The following KCNN2 variants were observed in gnomAD, a reference collection of about 807,000 sequenced individuals.
KCNN2 encodes potassium calcium-activated channel subfamily N member 2.
Under a neutral mutation model 55.5 loss-of-function variants are expected in KCNN2, and 24 were observed. The ratio of observed to expected loss-of-function variants is 0.43; its 90% confidence interval spans 0.31 to 0.61. KCNN2 has a LOEUF of 0.61. Among genes scored for constraint, KCNN2 ranks in the 20% least tolerant of loss-of-function variants. KCNN2 has a pLI of 0.08. For synonymous variants in KCNN2, 431 were observed against 336.1 expected (o/e 1.28, Z -3.09); for missense variants, 754 against 853.6 (o/e 0.88, Z 1.45).
At chr5:114,159,658 T>C (rs917926103) in intron 1 of KCNN2, among the ~76,000 whole-genome samples, 1 of 152,212 alleles carries the variant, frequency 6.6e-6, no homozygotes, top group African/African-American at 2.4e-5. Context: ...TGGTAAGCTT[T>C]TAATTATTGC....
intron 6 of KCNN2, chr5:114,488,882 T>C (rs1369763925): frequency 6.6e-6 from 1 of 152,146 alleles, no homozygotes; most frequent in Non-Finnish European, 1.5e-5. Flanking sequence ...AAAAGAAACC[T>C]TACCTTGGTG....
intron 3 of KCNN2, among the ~76,000 whole-genome samples, chr5:114,415,946 C>T (rs1041587469): frequency 6.6e-6 from 1 of 152,184 alleles, no homozygotes; most frequent in East Asian, 1.9e-4. Flanking sequence ...TACACACACA[C>T]AGCTGACTGT....
intron 1 of KCNN2, among the ~76,000 whole-genome samples, chr5:114,122,808 C>G (rs1214393344): frequency 6.6e-6 from 1 of 152,194 alleles, no homozygotes; most frequent in African/African-American, 2.4e-5. Context: ...GAGAAGGCTG[C>G]TTGGCTGCAG....
chr5:114,272,916 T>C (rs1394413364), intron 2 of KCNN2, among the ~76,000 whole-genome samples: 1 of 152,168 alleles, frequency 6.6e-6, no homozygotes, highest in Non-Finnish European at 1.5e-5. Flanking sequence ...CTGTGTTACA[T>C]GTACAGAATG....
intron 1 of KCNN2, among the ~76,000 whole-genome samples, chr5:114,218,629 G>A (rs1358739467): frequency 6.6e-6 from 1 of 152,198 alleles, no homozygotes; most frequent in Non-Finnish European, 1.5e-5. Flanking sequence ...TTTCAGGGCA[G>A]TGAATTACTC....
At chr5:114,233,222 T>G (rs1286916382) in intron 2 of KCNN2, among the ~76,000 whole-genome samples, 1 of 152,064 alleles carries the variant, frequency 6.6e-6, no homozygotes, top group Non-Finnish European at 1.5e-5. Context: ...GCCCGGCCTA[T>G]TGTTTCTTGT....
At chr5:114,401,608 T>C (rs536032414) in intron 2 of KCNN2, among the ~76,000 whole-genome samples, 3 of 152,310 alleles carry the variant, frequency 2.0e-5, no homozygotes, top group Admixed American at 1.3e-4. Context: ...GAAGCACATA[T>C]GAGGATCATG....
chr5:114,092,855 C>G (rs1751172896), intron 1 of KCNN2, among the ~76,000 whole-genome samples: 5 of 152,190 alleles, frequency 3.3e-5, no homozygotes, highest in Admixed American at 3.3e-4. Flanking sequence ...GCAGCAAGGC[C>G]TTGGGCCTGG....
chr5:114,473,010 G>A lies in KCNN2; in HGVS notation c.1780-44G>A, dbSNP rs1399710860. 3 of 1,147,202 alleles carry A rather than the reference G, an allele frequency of 2.6e-6. No individual in the cohort carries two copies. The Admixed American group carries it at 6.5e-5, about 25-fold the overall frequency. The allele number at this position is 1,147,202 out of a possible 1,614,324, so 71.1% of individuals were successfully genotyped here. A position where few individuals can be genotyped will look rare whatever the true frequency, so the allele number is the denominator to read the frequency against. ...TTTTCTAATGTGTCTGAGACAGAAA[G>A]TAGTTAGTAATGCTTTGGGTTTCTC... On this transcript the variant is annotated intron_variant, in intron 4 of 7. Transcript: ENST00000673685.
At chr5:114,294,040 C>T (rs1354902652) in intron 2 of KCNN2, among the ~76,000 whole-genome samples, 2 of 151,970 alleles carry the variant, frequency 1.3e-5, no homozygotes, top group African/African-American at 4.8e-5. Context: ...GTGGTGATAT[C>T]CCCTTTATCA....
intron 1 of KCNN2, among the ~76,000 whole-genome samples, chr5:114,211,225 A>T (rs1054416993): frequency 1.3e-5 from 2 of 152,172 alleles, no homozygotes; most frequent in African/African-American, 4.8e-5. Flanking sequence ...TACCCAAAGG[A>T]ATATAAATTG....
intron 2 of KCNN2, among the ~76,000 whole-genome samples, chr5:114,330,411 A>G (rs181147048): frequency 1.4e-4 from 22 of 152,212 alleles, no homozygotes; most frequent in African/African-American, 5.3e-4. Flanking sequence ...CTTAATTTAC[A>G]TACTTATTAC....
rs147234287 is a variant in KCNN2 at position 114,189,255 on chromosome 5, G to GGA, written c.-270-32221_-270-32220dup. The stretch of plus-strand genomic sequence containing the variant: ...CTGCAGTCTGCCAGGCAGAGACCCA[G>GGA]GAGAGTCAATGGTACAAACCCAGTC... On this transcript the variant is annotated intron_variant, in intron 1 of 10. Transcript: ENST00000512097. 5.7e-3 allele frequency among the ~76,000 whole-genome samples: 874 copies of GGA among 152,098 alleles called. 9 individuals carry two copies. The highest frequency in any genetic ancestry group is 0.02 in the African/African-American group (823 of 41,490).
At chr5:114,178,861 T>A (rs1027980729) in intron 1 of KCNN2, among the ~76,000 whole-genome samples, 1 of 152,180 alleles carries the variant, frequency 6.6e-6, no homozygotes, top group Non-Finnish European at 1.5e-5. Flanking sequence ...TTTTCTCAGT[T>A]AAGAGCAGAA....
rs373759384 is a variant in KCNN2 at position 114,278,933 on chromosome 5, A to G, written c.-185+57368A>G. Among the ~76,000 whole-genome samples, 137 of 152,268 alleles carry G rather than the reference A, an allele frequency of 9.0e-4. 2 individuals are homozygous for G. The South Asian group carries it at 0.026, about 29-fold the overall frequency. On this transcript the variant is annotated intron_variant, in intron 2 of 10. Coordinates refer to the KCNN2 transcript ENST00000512097. ...AGGTAACTCAGTTGGAAATGCAGAA[A>G]TCACCGATCTTCTGCATCAATCTCC...
intron 1 of KCNN2, among the ~76,000 whole-genome samples, chr5:114,142,567 C>T (rs1051491269): frequency 1.3e-5 from 2 of 152,140 alleles, no homozygotes; most frequent in African/African-American, 2.4e-5. Context: ...CATTCTTATA[C>T]ACCAATAACA....
intron 3 of KCNN2, among the ~76,000 whole-genome samples, chr5:114,446,857 A>C (rs954210680): frequency 6.6e-6 from 1 of 151,860 alleles, no homozygotes; most frequent in Non-Finnish European, 1.5e-5. Context: ...AGCCGAGATC[A>C]CACCACTGCG....
chr5:114,068,395 C>T (rs1441765268), intron 1 of KCNN2, among the ~76,000 whole-genome samples: 3 of 152,156 alleles, frequency 2.0e-5, no homozygotes, highest in Non-Finnish European at 4.4e-5. Flanking sequence ...ATTTTATGGC[C>T]ACACATGGTC....
chr5:114,308,932 C>T (rs909200608), intron 2 of KCNN2, among the ~76,000 whole-genome samples: 22 of 152,236 alleles, frequency 1.4e-4, no homozygotes, highest in African/African-American at 4.6e-4. Flanking sequence ...AACTTATTTT[C>T]GTGTTCTAAC....
Sources: gnomAD v4.1 joint callset for allele counts (sites outside exome capture counted in the v4.1 genomes callset) on GRCh38, gnomAD v4.1.1 for gene constraint, MANE v1.5 for transcripts, NCBI Gene and HGNC (gene_info 2026-07-23, HGNC 2026-07-21) for gene names.